The following NIN variants were observed in gnomAD, a reference collection of about 807,000 sequenced individuals.
NIN encodes the protein glycogen synthase kinase 3 beta-interacting protein.
In NIN, 137 loss-of-function variants were observed where a neutral mutation model predicts 257.6. The ratio of observed to expected loss-of-function variants is 0.53; its 90% confidence interval spans 0.46 to 0.61. NIN has a LOEUF of 0.61. Among genes scored for constraint, NIN ranks in the 20% least tolerant of loss-of-function variants. NIN has a pLI of 0.00. For missense variants in NIN, 2,439 were observed against 2,501.2 expected, an observed-to-expected ratio of 0.98 and a Z score of 0.53; for synonymous variants, 918 against 919.8, an observed-to-expected ratio of 1.00 and a Z score of 0.04.
chr14:50,724,630 C>A (rs1394749988), intron 30 of NIN, among the ~76,000 whole-genome samples: 2 of 152,170 alleles, frequency 1.3e-5, no homozygotes, highest in Non-Finnish European at 2.9e-5. Flanking sequence ...CTTGGCTCAG[C>A]ACTGGAGGCC....
At position 50,726,614 on chromosome 14, in the gene NIN, C is replaced by T. The variant is rs375627579; in HGVS notation, c.6079-548G>A. On this transcript the variant is annotated intron_variant, in intron 29 of 30. Coordinates refer to ENST00000530997, the MANE Select transcript of NIN (RefSeq NM_020921.4). ...TGCCAATTTTTCTAGTCATCTGTTT[C>T]CCACTTGTAAATGTGAAGCACACAT... Among the ~76,000 whole-genome samples, 319 of 152,266 alleles carry T rather than the reference C, an allele frequency of 2.1e-3. 2 individuals carry two copies. In the Middle Eastern group the frequency reaches 0.031, roughly 15 times the overall value.
intron 20 of NIN, 49 bp from the exon 21 acceptor site, chr14:50,752,782 TAAAAAAA>T (rs3083537): frequency 1.5e-6 from 1 of 652,856 alleles, no homozygotes; most frequent in African/African-American, 2.0e-5. Flanking sequence ...CTACTTGTGC[TAAAAAAA>T]AAAAAAAACA....
intron 4 of NIN, among the ~76,000 whole-genome samples, chr14:50,799,331 T>C (rs1194127045): frequency 6.6e-6 from 1 of 152,182 alleles, no homozygotes; most frequent in Non-Finnish European, 1.5e-5. Flanking sequence ...AGCCACACTC[T>C]GGTCCTTCCA....
intron 27 of NIN, among the ~76,000 whole-genome samples, chr14:50,736,080 A>G (rs1255278144): frequency 6.6e-6 from 1 of 152,192 alleles, no homozygotes; most frequent in Admixed American, 6.5e-5. Flanking sequence ...AAGGCTTAAA[A>G]TTGAGAGTAC....
At chr14:50,727,615 G>A in intron 29 of NIN, 1 of 1,439,598 alleles carries the variant, frequency 6.9e-7, no homozygotes, top group African/African-American at 1.4e-5. Flanking sequence ...GTCTCTGTGT[G>A]TGGTGTGTGT....
In NIN at chr14:50,723,089, C is replaced by T; in HGVS notation, c.*374G>A. 1 of 234,008 alleles carries T rather than the reference C, an allele frequency of 4.3e-6. No homozygotes were observed. The highest frequency in any genetic ancestry group is 1.3e-4 in the South Asian group (1 of 7,490). The allele number at this position is 234,008 out of a possible 1,614,324, so 14.5% of individuals were successfully genotyped here. On this transcript the variant is annotated 3_prime_UTR_variant, in exon 31 of 31. Coordinates refer to ENST00000530997, the MANE Select transcript of NIN (RefSeq NM_020921.4). ...AAATAAAGTTTATAACAACCATTCT[C>T]ATCAGATCTCAAACTTCAAATATCT...
At chr14:50,753,566 T>C (rs2041892472) in intron 20 of NIN, among the ~76,000 whole-genome samples, 1 of 152,244 alleles carries the variant, frequency 6.6e-6, no homozygotes, top group Non-Finnish European at 1.5e-5. Context: ...TTTAAATGGA[T>C]CTTTTAGAAA....
intron 2 of NIN, among the ~76,000 whole-genome samples, chr14:50,827,799 T>A (rs555749542): frequency 6.6e-6 from 1 of 151,018 alleles, no homozygotes. Context: ...ATAACAACCT[T>A]TGTCAACTAC....
Position 50,723,817 on chromosome 14 carries a change from A to C in NIN, c.6193-145T>G, listed in dbSNP as rs76313557. On this transcript the variant is annotated intron_variant, in intron 30 of 30. Transcript: ENST00000530997. ...TCTTTTATTTTACAAAATAGCTTTAACATCAGACTTGGCATCAGGGACACC... is the reference window on the plus strand; with the variant it reads ...TCTTTTATTTTACAAAATAGCTTTACCATCAGACTTGGCATCAGGGACACC... The C allele has an allele frequency of 8.3e-4, 551 of 663,826 alleles. 7 individuals are homozygous for C. The East Asian group carries it at 0.014, about 17-fold the overall frequency. The allele number at this position is 663,826 out of a possible 1,614,324, so 41.1% of individuals were successfully genotyped here.
chr14:50,726,302 A>G (rs2040410375), intron 29 of NIN: 3 of 453,832 alleles, frequency 6.6e-6, no homozygotes, highest in East Asian at 6.6e-5. Flanking sequence ...CTGTGTTACC[A>G]TCATCCCCCT....
At chr14:50,779,018 G>T (rs1297682838) in intron 5 of NIN, among the ~76,000 whole-genome samples, 1 of 152,194 alleles carries the variant, frequency 6.6e-6, no homozygotes, top group Non-Finnish European at 1.5e-5. Flanking sequence ...ACAGCCTTCT[G>T]CAGCATTTCA....
Position 50,822,047 on chromosome 14 carries a change from C to G in NIN, c.10G>C (p.Val4Leu), listed in dbSNP as rs1044549154. ...CGGGCCTCATGCTGGTCCTGCTCCA[C>G]CTCATCCATCCCATAGCCCACAGTG... MDE[V>L]EQDQHEARLK... Residue 4 changes from valine to leucine, a missense_variant, in exon 3 of 31, where the codon GTG becomes CTG. Coordinates refer to ENST00000530997, the MANE Select transcript of NIN (RefSeq NM_020921.4). 1.1e-5 allele frequency: 17 copies of G among 1,613,000 alleles called. No homozygotes were observed. The African/African-American group carries it at 2.3e-4, about 22-fold the overall frequency.
intron 3 of NIN, among the ~76,000 whole-genome samples, chr14:50,820,844 G>T (rs1254498491): frequency 6.6e-6 from 1 of 152,128 alleles, no homozygotes; most frequent in Non-Finnish European, 1.5e-5. Context: ...ATTTCAGGAT[G>T]ATGGCTACTC....
At chr14:50,791,807 GCACA>G (rs373370758) in intron 5 of NIN, among the ~76,000 whole-genome samples, 9 of 116,774 alleles carry the variant, frequency 7.7e-5, no homozygotes, top group African/African-American at 3.9e-4. Context: ...AGGTGCACGC[GCACA>G]CACACACACA....
Position 50,758,622 on chromosome 14 carries a change from ATT to A in NIN, c.2406_2407del (p.Lys802AsnfsTer6). 6.4e-7 allele frequency: 1 copy of A among 1,556,714 alleles called. No individual in the cohort carries two copies. Among genetic ancestry groups the A allele is most frequent in the Non-Finnish European group, 8.7e-7 (1 of 1,153,250 alleles). On this transcript the variant is annotated frameshift_variant, in exon 18 of 31. Coordinates refer to ENST00000530997, the MANE Select transcript of NIN (RefSeq NM_020921.4). LOFTEE classifies it high-confidence loss of function. ...GGTTCTTCTATTACACTCTGTTTCC[ATT>A]TTTTCCCTAAATATAGTCAACATAC...
rs752635824 is a variant in NIN at position 50,772,348 on chromosome 14, C to T, written c.934G>A (p.Asp312Asn). The change falls in exon 9 of 31, where the codon GAC becomes AAC. Residue 312 changes from aspartate to asparagine, a missense_variant. Physicochemically the swap from Asp to Asn is conservative, Grantham distance 23. This residue lies in a region of NIN where 387 missense variants were observed against 427.3 expected (regional missense o/e 0.91). Transcript: ENST00000530997. ...MGHASVERILDTWQEEGIENS... is the reference protein window; with the variant it reads ...MGHASVERILNTWQEEGIENS... The stretch of plus-strand genomic sequence containing the variant: ...TCAATGCCCTCTTCCTGCCAGGTGT[C>T]CAGTATTCTCTCCACAGATGCATGG... 14 of 1,613,316 alleles carry T rather than the reference C, an allele frequency of 8.7e-6. No homozygotes were observed. Among genetic ancestry groups the T allele is most frequent in the Middle Eastern group, 1.6e-4 (1 of 6,080 alleles).
chr14:50,738,506 T>G (rs1018042736), intron 26 of NIN, among the ~76,000 whole-genome samples: 5 of 152,162 alleles, frequency 3.3e-5, no homozygotes, highest in Non-Finnish European at 7.3e-5. Context: ...GGAACAAGAC[T>G]GGGAAGAGGG....
chr14:50,769,654 C>T (rs1340770718), intron 12 of NIN, among the ~76,000 whole-genome samples: 1 of 152,190 alleles, frequency 6.6e-6, no homozygotes, highest in Non-Finnish European at 1.5e-5. Context: ...GCACACACCA[C>T]CACACCCTGC....
intron 2 of NIN, among the ~76,000 whole-genome samples, chr14:50,828,274 T>G (rs897436737): frequency 1.3e-5 from 2 of 152,206 alleles, no homozygotes; most frequent in African/African-American, 2.4e-5. Context: ...GTTTTTAAAG[T>G]GAGAATTAGG....
Sources: allele counts gnomAD v4.1 joint callset (sites outside exome capture counted in the v4.1 genomes callset), GRCh38; gene constraint gnomAD v4.1.1; regional missense constraint gnomAD v4.1.1; transcripts MANE v1.5; gene names NCBI Gene and HGNC (gene_info 2026-07-23, HGNC 2026-07-21).